Variants in CENPI observed in about 807,000 individuals in gnomAD.
CENPI encodes centromere protein I.
CENPI carries 4 observed loss-of-function variants against 60.4 expected under a neutral mutation model. That is an observed-to-expected ratio of 0.07 (90% confidence interval 0.03 to 0.15). CENPI has a LOEUF of 0.15. CENPI is among the 10% of genes least tolerant of loss of function. The probability of loss-of-function intolerance (pLI) is 1.00; values close to 1 mark genes in which losing one functional copy is unlikely to be tolerated. For synonymous variants in CENPI, 157 were observed against 189.4 expected (o/e 0.83, Z 1.40); for missense variants, 444 against 534.5 (o/e 0.83, Z 1.67).
intron 6 of CENPI, among the ~76,000 whole-genome samples, chrX:101,110,757 G>A (rs2089545235): frequency 1.8e-5 from 2 of 112,042 alleles, no homozygotes; most frequent in Admixed American, 1.9e-4. Context: ...GGGAATTAAG[G>A]AAATCACATA....
chrX:101,143,642 T>C (rs2148227615), intron 16 of CENPI, among the ~76,000 whole-genome samples: 1 of 112,692 alleles, frequency 8.9e-6, no homozygotes. Flanking sequence ...GGGATTCTCC[T>C]GCCTCAGCCT....
chrX:101,163,048 A>G lies in CENPI; in HGVS notation c.*81A>G. 9.8e-7 allele frequency: 1 copy of G among 1,018,215 alleles called. No homozygotes were observed. Among genetic ancestry groups the G allele is most frequent in the South Asian group, 2.1e-5 (1 of 48,559 alleles). 83.9% of individuals were successfully genotyped at this position (1,018,215 alleles called of 1,213,427 possible). On this transcript the variant is annotated 3_prime_UTR_variant, in exon 22 of 22. Coordinates refer to ENST00000682095, the MANE Select transcript of CENPI (RefSeq NM_001386188.2). ...GCAAAGTGGCTCATCTTGAGTTCCCATTTTCATTTCACTGACAGACTGCCA... is the reference window on the plus strand; with the variant it reads ...GCAAAGTGGCTCATCTTGAGTTCCCGTTTTCATTTCACTGACAGACTGCCA...
Position 101,162,733 on chromosome X carries a change from A to C in CENPI, c.2137-100A>C, listed in dbSNP as rs2295377. 0.012 allele frequency: 10,900 copies of C among 923,759 alleles called. 850 individuals are homozygous for C. The African/African-American group carries it at 0.19, about 16-fold the overall frequency. 76.1% of individuals were successfully genotyped at this position (923,759 alleles called of 1,213,427 possible). On this transcript the variant is annotated intron_variant, in intron 21 of 21. Transcript: ENST00000682095. ...CCCCCGAACTAATTTTGATATGTGC[A>C]TGCGGGATGCTGCAAACTCTTCCTA...
chrX:101,176,486 T>A, the CENPI span, among the ~76,000 whole-genome samples: 1 of 111,525 alleles, frequency 9.0e-6, no homozygotes, highest in Admixed American at 9.6e-5. Flanking sequence ...TGAGATGATA[T>A]CTTATTATAG....
At chrX:101,156,746 C>T (rs989418440) in intron 20 of CENPI, among the ~76,000 whole-genome samples, 9 of 61,457 alleles carry the variant, frequency 1.5e-4, no homozygotes, top group Non-Finnish European at 1.5e-4. Context: ...TGAGAATATA[C>T]GATGTTTTTT....
At chrX:101,148,403 T>A (rs1278059069) in intron 20 of CENPI, among the ~76,000 whole-genome samples, 1 of 111,883 alleles carries the variant, frequency 8.9e-6, no homozygotes, top group Non-Finnish European at 1.9e-5. Context: ...ATTACTATAA[T>A]ACAGTGTGGC....
chrX:101,174,053 C>G, the CENPI span, among the ~76,000 whole-genome samples: 1 of 112,112 alleles, frequency 8.9e-6, no homozygotes, highest in African/African-American at 3.2e-5. Context: ...GATACCATGT[C>G]ACACCAGTCA....
At chrX:101,111,638 TACAA>T (rs1027204078) in intron 6 of CENPI, among the ~76,000 whole-genome samples, 9 of 111,965 alleles carry the variant, frequency 8.0e-5, no homozygotes, top group Non-Finnish European at 1.5e-4. Context: ...AAATGGCAAG[TACAA>T]ACAAAGTCCT....
intron 6 of CENPI, among the ~76,000 whole-genome samples, chrX:101,115,120 C>G (rs1235405250): frequency 2.0e-4 from 22 of 109,083 alleles, no homozygotes; most frequent in African/African-American, 6.3e-4. Context: ...TGCACCACCA[C>G]GCCTGGCTAA....
chrX:101,133,042 C>T (rs913867481), intron 15 of CENPI, among the ~76,000 whole-genome samples: 2 of 110,819 alleles, frequency 1.8e-5, no homozygotes, highest in African/African-American at 6.5e-5. Flanking sequence ...AATGGTTATT[C>T]CTATTCTAGA....
Position 101,101,066 on chromosome X carries a change from C to T in CENPI, c.-5C>T. On this transcript the variant is annotated 5_prime_UTR_variant, in exon 3 of 22. The change creates a premature stop within an existing upstream ORF in the 5' untranslated region. Transcript: ENST00000682095. ...CACTTGTTTCTGTGTAGAACATATGCAGTAATGTCACCTCAAAAGAGAGTT... is the reference window on the plus strand; with the variant it reads ...CACTTGTTTCTGTGTAGAACATATGTAGTAATGTCACCTCAAAAGAGAGTT... 1.7e-6 allele frequency: 2 copies of T among 1,181,558 alleles called. No individual in the cohort carries two copies. Among genetic ancestry groups the T allele is most frequent in the Non-Finnish European group, 2.3e-6 (2 of 868,493 alleles).
At chrX:101,135,812 G>A (rs76168520) in intron 15 of CENPI, among the ~76,000 whole-genome samples, 1 of 111,332 alleles carries the variant, frequency 9.0e-6, no homozygotes, top group Non-Finnish European at 1.9e-5. Flanking sequence ...CCTCCGCCTA[G>A]CGGGTTCAAG....
intron 13 of CENPI, among the ~76,000 whole-genome samples, chrX:101,130,671 C>T (rs2089786825): frequency 8.9e-6 from 1 of 112,297 alleles, no homozygotes; most frequent in Non-Finnish European, 1.9e-5. Context: ...ATGTAAATTT[C>T]ATAGGGTCAC....
intron 20 of CENPI, among the ~76,000 whole-genome samples, chrX:101,152,390 C>T (rs1351970895): frequency 9.1e-6 from 1 of 109,698 alleles, no homozygotes; most frequent in Non-Finnish European, 1.9e-5. Context: ...AATGAAATCA[C>T]ACAATATGTG....
At chrX:101,150,439 C>T (rs759650689) in intron 20 of CENPI, among the ~76,000 whole-genome samples, 1 of 109,750 alleles carries the variant, frequency 9.1e-6, no homozygotes, top group East Asian at 2.8e-4. Flanking sequence ...GTCGCAATCT[C>T]GGCTCACTAC....
At chrX:101,130,587 G>T (rs1410510516) in intron 13 of CENPI, among the ~76,000 whole-genome samples, 1 of 112,528 alleles carries the variant, frequency 8.9e-6, no homozygotes, top group African/African-American at 3.2e-5. Context: ...GCAAATAAAA[G>T]GGAAAAGCCT....
At chrX:101,103,337 G>T (rs754428083) in intron 4 of CENPI, among the ~76,000 whole-genome samples, 2 of 109,343 alleles carry the variant, frequency 1.8e-5, no homozygotes, top group Non-Finnish European at 3.8e-5. Flanking sequence ...TTTCCTTTTA[G>T]ACTTTGTTTA....
the CENPI span, among the ~76,000 whole-genome samples, chrX:101,179,551 C>T: frequency 9.4e-6 from 1 of 106,897 alleles, no homozygotes; most frequent in African/African-American, 3.4e-5. Flanking sequence ...GACGGAGTCT[C>T]GCTCTGTCGC....
In CENPI at chrX:101,145,086, A is replaced by G. The variant is rs1363699673; in HGVS notation, c.1588A>G (p.Met530Val). The G allele has an allele frequency of 2.5e-6, 3 of 1,203,073 alleles. No individual in the cohort carries two copies. The Admixed American group carries it at 6.7e-5, about 27-fold the overall frequency. Reference sequence around the variant, plus strand: ...CAGAGAGACAACTTTGGGTGGATCCATGAACTCTGTGTCTAAACTGATCCA... The same window carrying G: ...CAGAGAGACAACTTTGGGTGGATCCGTGAACTCTGTGTCTAAACTGATCCA... The part of the protein sequence containing the change: ...SPLETTLGGS[M>V]NSVSKLIHYV... Residue 530 changes from methionine (M) to valine (V), a missense_variant, in exon 17 of 22, where the codon ATG (methionine) becomes GTG (valine). Coordinates refer to ENST00000682095, the MANE Select transcript of CENPI (RefSeq NM_001386188.2).
Sources: allele counts gnomAD v4.1 joint callset (sites outside exome capture counted in the v4.1 genomes callset), GRCh38; gene constraint gnomAD v4.1.1; transcripts MANE v1.5; gene names NCBI Gene and HGNC (gene_info 2026-07-23, HGNC 2026-07-21).